Variants in CALCOCO2 observed in about 807,000 individuals in gnomAD.
CALCOCO2 encodes the protein calcium-binding and coiled-coil domain-containing protein 2.
Under a neutral mutation model 62.5 loss-of-function variants are expected in CALCOCO2, and 42 were observed. That is an observed-to-expected ratio of 0.67 (90% CI 0.53 to 0.87). CALCOCO2 has a LOEUF of 0.87. Among genes scored for constraint, CALCOCO2 ranks in the 40% least tolerant of loss-of-function variants. CALCOCO2 has a pLI of 0.00. For synonymous variants in CALCOCO2, 167 were observed against 173.0 expected (o/e 0.97, Z 0.27); for missense variants, 456 against 515.0 (o/e 0.89, Z 1.11).
At chr17:48,839,353 C>CTT (rs71144529) in intron 1 of CALCOCO2, 2,069 of 130,268 alleles carry the variant, frequency 0.016, 42 homozygotes, top group South Asian at 0.082. Flanking sequence ...AATGGTTTCT[C>CTT]TTTTTTTTTT....
At chr17:48,836,717 A>G (rs1275918129) in intron 1 of CALCOCO2, among the ~76,000 whole-genome samples, 2 of 150,362 alleles carry the variant, frequency 1.3e-5, no homozygotes, top group Admixed American at 1.3e-4. Flanking sequence ...GTCTACTGAC[A>G]TATGGAGGCC....
intron 2 of CALCOCO2, among the ~76,000 whole-genome samples, chr17:48,844,404 C>T (rs946177490): frequency 2.6e-5 from 4 of 151,834 alleles, no homozygotes; most frequent in African/African-American, 9.7e-5. Context: ...TTCCCCCAAG[C>T]GCTTAGCAAC....
chr17:48,848,504 A>C (rs1355801363), intron 4 of CALCOCO2, 49 bp downstream of exon 4: 1 of 1,550,228 alleles, frequency 6.5e-7, no homozygotes, highest in African/African-American at 1.4e-5. Context: ...ACGGGTAGCA[A>C]TATAGGATAG....
intron 9 of CALCOCO2, among the ~76,000 whole-genome samples, chr17:48,855,350 T>TC (rs2040200280): frequency 6.6e-6 from 1 of 152,166 alleles, no homozygotes; most frequent in Non-Finnish European, 1.5e-5. Context: ...TGTCACTGGG[T>TC]AGCCCCCTCT....
chr17:48,861,361 G>A (rs1053192398), intron 11 of CALCOCO2, among the ~76,000 whole-genome samples: 7 of 151,930 alleles, frequency 4.6e-5, no homozygotes, highest in African/African-American at 7.3e-5. Flanking sequence ...AGACTAAGGC[G>A]CCAGCCACCA....
intron 7 of CALCOCO2, among the ~76,000 whole-genome samples, chr17:48,851,929 C>CA (rs1317101111): frequency 6.6e-6 from 1 of 151,768 alleles, no homozygotes; most frequent in African/African-American, 2.4e-5. Context: ...GTCAGGAGTT[C>CA]GAGATCAGCC....
intron 9 of CALCOCO2, among the ~76,000 whole-genome samples, chr17:48,853,911 A>T (rs960589695): frequency 6.6e-6 from 1 of 152,190 alleles, no homozygotes; most frequent in Admixed American, 6.5e-5. Context: ...TGCAGTCTGC[A>T]CTGTTTTATT....
Position 48,860,246 on chromosome 17 carries a change from C to T in CALCOCO2, c.1009-68C>T, listed in dbSNP as rs544206081. ...TGAGAACTACCTGGGAGGGGCATCTCCTAGCCAGTTCCTGGTGGCCATTCT... is the reference window on the plus strand; with the variant it reads ...TGAGAACTACCTGGGAGGGGCATCTTCTAGCCAGTTCCTGGTGGCCATTCT... On this transcript the variant is annotated intron_variant, in intron 10 of 12. Transcript: ENST00000258947. The T allele has an allele frequency of 9.6e-5, 132 of 1,374,434 alleles. 1 individual carries two copies. In the African/African-American group the frequency reaches 1.6e-3, roughly 17 times the overall value. The allele number at this position is 1,374,434 out of a possible 1,614,324, so 85.1% of individuals were successfully genotyped here. A position where few individuals can be genotyped will look rare whatever the true frequency, so the allele number is the denominator to read the frequency against.
chr17:48,861,179 C>G (rs2040321055), intron 11 of CALCOCO2, among the ~76,000 whole-genome samples: 1 of 152,028 alleles, frequency 6.6e-6, no homozygotes, highest in African/African-American at 2.4e-5. Context: ...ACAAGCGTGG[C>G]TAACGTGGTG....
chr17:48,834,106 C>CAA lies in CALCOCO2; in HGVS notation c.-11+3052_-11+3053dup, dbSNP rs59633969. ...CACTCCAGCCTGCAAGACCCTATGTCAAAAAAAAAAAAAAAAAAAAAAAAA... is the reference window on the plus strand; with the variant it reads ...CACTCCAGCCTGCAAGACCCTATGTCAAAAAAAAAAAAAAAAAAAAAAAAAAA... On this transcript the variant is annotated intron_variant, in intron 1 of 12. Transcript: ENST00000258947. 2.0e-3 allele frequency among the ~76,000 whole-genome samples: 141 copies of CAA among 69,786 alleles called. 1 individual carries two copies. The highest frequency in any genetic ancestry group is 5.9e-3 in the African/African-American group (126 of 21,434). The allele number at this position is 69,786 out of a possible 152,430, so 45.8% of individuals were successfully genotyped here.
intron 10 of CALCOCO2, among the ~76,000 whole-genome samples, chr17:48,859,309 TA>T (rs2040292227): frequency 6.6e-6 from 1 of 152,046 alleles, no homozygotes; most frequent in South Asian, 2.1e-4. Flanking sequence ...GAAATTATTC[TA>T]GGAAAGAAAC....
At chr17:48,861,557 ACT>A (rs2040326203) in intron 11 of CALCOCO2, among the ~76,000 whole-genome samples, 1 of 150,050 alleles carries the variant, frequency 6.7e-6, no homozygotes, top group Admixed American at 6.6e-5. Flanking sequence ...TTAAATTGTT[ACT>A]GTTTTTATTA....
intron 1 of CALCOCO2, among the ~76,000 whole-genome samples, chr17:48,840,827 GA>G (rs34125338): frequency 1.9e-3 from 287 of 150,306 alleles, no homozygotes; most frequent in African/African-American, 6.9e-3. Context: ...GTTGTACCAG[GA>G]AAAAAAAACC....
Position 48,848,450 on chromosome 17 carries a change from A to G in CALCOCO2, c.412A>G (p.Thr138Ala). The G allele has an allele frequency of 6.8e-6, 11 of 1,613,802 alleles. No homozygotes were observed. Among genetic ancestry groups the G allele is most frequent in the Non-Finnish European group, 8.5e-6 (10 of 1,179,806 alleles). Residue 138 changes from threonine (T) to alanine (A), a missense_variant, in exon 4 of 13, where the codon ACT becomes GCT. Physicochemically the swap from Thr to Ala is moderately conservative, Grantham distance 58. Transcript: ENST00000258947. ...TGAGGAAGACATCCTGGTTGTTACC[A>G]CTCAGGTTTGTAAAACTTCTCACCT... is the stretch of plus-strand genomic sequence containing the variant. ...ENEEDILVVT[T>A]QGEVEEIEQH...
At chr17:48,846,306 A>G in intron 2 of CALCOCO2, 2 of 589,950 alleles carry the variant, frequency 3.4e-6, no homozygotes, top group Non-Finnish European at 5.9e-6. Flanking sequence ...CAGTCAGTAA[A>G]TATTTTTAAT....
At chr17:48,835,739 TC>T (rs1303264942) in intron 1 of CALCOCO2, among the ~76,000 whole-genome samples, 3 of 147,766 alleles carry the variant, frequency 2.0e-5, no homozygotes, top group Admixed American at 6.7e-5. Context: ...TCTTTTCTTT[TC>T]TTTTCTTTTC....
In CALCOCO2 at chr17:48,851,160, G is replaced by T. The variant is rs2040124447; in HGVS notation, c.615G>T (p.Trp205Cys). 6.2e-7 allele frequency: 1 copy of T among 1,605,770 alleles called. No individual in the cohort carries two copies. ...ELKVKEQKDY[W>C]ETELLQLKEQ... Reference sequence around the variant, plus strand: ...AAGTGAAAGAACAGAAGGACTATTGGGAGACAGAGCTGCTTCAGTGAGTGC... The same window carrying T: ...AAGTGAAAGAACAGAAGGACTATTGTGAGACAGAGCTGCTTCAGTGAGTGC... The change falls in exon 6 of 13, where the codon TGG becomes TGT. Residue 205 changes from tryptophan to cysteine, a missense_variant. By Grantham distance (215) the Trp-to-Cys change is radical (BLOSUM62 -2). Around this residue, in one of 3 missense-constraint regions of CALCOCO2, gnomAD observed 236 missense variants for 225.3 expected, o/e 1.05. Coordinates refer to ENST00000258947, the MANE Select transcript of CALCOCO2 (RefSeq NM_005831.5).
rs775575676 is a variant in CALCOCO2, at chr17:48,848,339, G to C, written c.301G>C (p.Asp101His). 6 of 1,613,646 alleles carry C rather than the reference G, an allele frequency of 3.7e-6. No individual in the cohort carries two copies. The highest frequency in any genetic ancestry group is 2.5e-6 in the Non-Finnish European group (3 of 1,179,564). ...GTTTTCAGCTTACTACCTGCCCAAG[G>C]ATGATGAGTATTACCAGTTCTGCTA... ...VQFKAYYLPK[D>H]DEYYQFCYVD... The change falls in exon 4 of 13, where the codon GAT becomes CAT. Residue 101 changes from aspartate (D) to histidine (H), a missense_variant. Physicochemically the swap from Asp to His is moderately conservative, Grantham distance 81 (BLOSUM62 -1). Around this residue, in one of 3 missense-constraint regions of CALCOCO2, gnomAD observed 236 missense variants for 225.3 expected, o/e 1.05. Transcript: ENST00000258947.
Position 48,863,793 on chromosome 17 carries a change from C to T in CALCOCO2, c.*788C>T, listed in dbSNP as rs1160370468. 4 of 152,164 alleles carry T rather than the reference C, an allele frequency of 2.6e-5. No individual in the cohort carries two copies. The highest frequency in any genetic ancestry group is 5.9e-5 in the Non-Finnish European group (4 of 68,036). The allele number at this position is 152,164 out of a possible 1,614,324, so 9.4% of individuals were successfully genotyped here. A position where few individuals can be genotyped will look rare whatever the true frequency, so the allele number is the denominator to read the frequency against. ...TGGGTAAATCAGAATAATGAGACAA[C>T]TTGTTAATCTCTTTAATACTAAAAA... On this transcript the variant is annotated 3_prime_UTR_variant, in exon 13 of 13. Coordinates refer to ENST00000258947, the MANE Select transcript of CALCOCO2 (RefSeq NM_005831.5).
Sources: gnomAD v4.1 joint callset for allele counts (sites outside exome capture counted in the v4.1 genomes callset) on GRCh38, gnomAD v4.1.1 for gene constraint, gnomAD v4.1.1 regional missense constraint, MANE v1.5 for transcripts, NCBI Gene and HGNC (gene_info 2026-07-23, HGNC 2026-07-21) for gene names.